Variants in B3GALT1 observed in about 807,000 individuals in gnomAD.
The protein encoded by B3GALT1 is beta-1,3-galactosyltransferase 1, also known as UDP-Gal:betaGlcNAc beta 1,3-galactosyltransferase, polypeptide 1.
A neutral mutation model predicts 23.2 loss-of-function variants in B3GALT1; 10 were observed. The observed-to-expected ratio is 0.43, with a 90% confidence interval of 0.27 to 0.73. The LOEUF (loss-of-function observed/expected upper bound fraction) is 0.73. B3GALT1 is among the 30% of genes least tolerant of loss of function. The pLI, the probability that B3GALT1 is intolerant of heterozygous loss-of-function variation, is 0.21. For synonymous variants in B3GALT1, 156 were observed against 141.5 expected, an observed-to-expected ratio of 1.10 and a Z score of -0.73; for missense variants, 299 against 405.4, an observed-to-expected ratio of 0.74 and a Z score of 2.25.
At chr2:167,341,591 G>A (rs1371458308) in intron 1 of B3GALT1, among the ~76,000 whole-genome samples, 1 of 151,544 alleles carries the variant, frequency 6.6e-6, no homozygotes, top group Non-Finnish European at 1.5e-5. Context: ...GAACCCAGGA[G>A]GAGGAGGTTG....
At chr2:167,538,897 GA>G (rs565147635) in intron 2 of B3GALT1, among the ~76,000 whole-genome samples, 1,758 of 149,738 alleles carry the variant, frequency 0.012, 31 homozygotes, top group African/African-American at 0.04. Context: ...TTAAAAATGT[GA>G]AAAAAAAAGA....
chr2:167,586,902 T>C (rs1246961919), intron 2 of B3GALT1, among the ~76,000 whole-genome samples: 2 of 152,326 alleles, frequency 1.3e-5, no homozygotes, highest in East Asian at 1.9e-4. Flanking sequence ...AATGGATTCA[T>C]ATAGGAGAGG....
At position 167,798,563 on chromosome 2, in the gene B3GALT1, T is replaced by A. The variant is rs536631987; in HGVS notation, c.-351-20109T>A. The stretch of plus-strand genomic sequence containing the variant: ...GGGAATCCTTTCCCCATTGCTTGTT[T>A]TTGCTGGCTTAGTTGAAGATAGATG... On this transcript the variant is annotated intron_variant, in intron 3 of 4. Coordinates refer to ENST00000392690, the MANE Select transcript of B3GALT1 (RefSeq NM_020981.4). Among the ~76,000 whole-genome samples the A allele has an allele frequency of 2.6e-5, 4 of 152,322 alleles. No homozygotes were observed. The East Asian group carries it at 7.7e-4, about 29-fold the overall frequency.
intron 1 of B3GALT1, among the ~76,000 whole-genome samples, chr2:167,478,315 G>A (rs1010395173): frequency 2.0e-5 from 3 of 152,106 alleles, no homozygotes; most frequent in Admixed American, 1.3e-4. Flanking sequence ...TATTAAATGG[G>A]TGAGTTAATA....
chr2:167,490,048 A>C (rs1425830751), intron 1 of B3GALT1, 129 bp from the exon 2 acceptor site: 2 of 152,184 alleles, frequency 1.3e-5, no homozygotes, highest in African/African-American at 2.4e-5. Context: ...TTTTGTGCAG[A>C]ATAATTTGAT....
At chr2:167,512,588 A>ATGTG (rs1306665849) in intron 2 of B3GALT1, among the ~76,000 whole-genome samples, 1 of 90,394 alleles carries the variant, frequency 1.1e-5, no homozygotes, top group African/African-American at 4.8e-5. Context: ...ATGTATATAT[A>ATGTG]TATGTGTATA....
Position 167,443,638 on chromosome 2 carries a change from G to C in B3GALT1, c.-510-46539G>C, listed in dbSNP as rs556369624. On this transcript the variant is annotated intron_variant, in intron 1 of 4. Transcript: ENST00000392690. ...ATTTTATTCTCTTTGAAGCAATTGT[G>C]AATGGGAGTTCACTCATGATTTGGC... Among the ~76,000 whole-genome samples, 155 of 152,256 alleles carry C rather than the reference G, an allele frequency of 1.0e-3. 1 individual carries two copies. Among genetic ancestry groups the C allele is most frequent in the African/African-American group, 3.5e-3 (147 of 41,546 alleles).
At chr2:167,362,502 T>C (rs1697513978) in intron 1 of B3GALT1, among the ~76,000 whole-genome samples, 1 of 152,206 alleles carries the variant, frequency 6.6e-6, no homozygotes, top group Non-Finnish European at 1.5e-5. Flanking sequence ...TATGAGATTC[T>C]CTTTTGATTC....
rs1684626464 is a variant in B3GALT1 at position 167,588,913 on chromosome 2, C to G, written c.-409-57996C>G. On this transcript the variant is annotated intron_variant, in intron 2 of 4. Coordinates refer to ENST00000392690, the MANE Select transcript of B3GALT1 (RefSeq NM_020981.4). ...TTCTTCCTTCTTTCCTTCCGTCCCTCCTTCCCTCTCTCCCTCCCTCCCTTC... is the reference window on the plus strand; with the variant it reads ...TTCTTCCTTCTTTCCTTCCGTCCCTGCTTCCCTCTCTCCCTCCCTCCCTTC... Among the ~76,000 whole-genome samples the G allele has an allele frequency of 2.0e-5, 3 of 148,248 alleles. No homozygotes were observed. The South Asian group carries it at 6.5e-4, about 32-fold the overall frequency.
chr2:167,599,344 A>G (rs897345597), intron 2 of B3GALT1, among the ~76,000 whole-genome samples: 2 of 152,234 alleles, frequency 1.3e-5, no homozygotes, highest in African/African-American at 2.4e-5. Flanking sequence ...GAAAATAATG[A>G]GATTCCACTT....
intron 3 of B3GALT1, among the ~76,000 whole-genome samples, chr2:167,703,225 A>G (rs1164707780): frequency 6.6e-6 from 1 of 152,228 alleles, no homozygotes; most frequent in Non-Finnish European, 1.5e-5. Flanking sequence ...GAGGCTCAGT[A>G]AGGTTTTAAT....
At chr2:167,477,547 T>C (rs1699504778) in intron 1 of B3GALT1, among the ~76,000 whole-genome samples, 2 of 152,220 alleles carry the variant, frequency 1.3e-5, no homozygotes, top group African/African-American at 4.8e-5. Flanking sequence ...AAAGAAACGT[T>C]TCTACTAAGT....
intron 2 of B3GALT1, among the ~76,000 whole-genome samples, chr2:167,528,777 T>G (rs1314851337): frequency 6.6e-6 from 1 of 152,154 alleles, no homozygotes; most frequent in Non-Finnish European, 1.5e-5. Flanking sequence ...AATAAGGCAT[T>G]AATTGTTGTA....
chr2:167,821,446 T>C (rs1336949384), intron 4 of B3GALT1, among the ~76,000 whole-genome samples: 1 of 149,334 alleles, frequency 6.7e-6, no homozygotes, highest in South Asian at 2.2e-4. Flanking sequence ...TTTTTTTTTT[T>C]TTTTTTTGAG....
At chr2:167,614,783 A>T (rs1685129300) in intron 2 of B3GALT1, among the ~76,000 whole-genome samples, 1 of 152,054 alleles carries the variant, frequency 6.6e-6, no homozygotes, top group Non-Finnish European at 1.5e-5. Flanking sequence ...TGATAAACAT[A>T]TTTCAAATAC....
intron 4 of B3GALT1, among the ~76,000 whole-genome samples, chr2:167,866,722 G>C (rs1690224809): frequency 6.6e-6 from 1 of 152,160 alleles, no homozygotes; most frequent in East Asian, 1.9e-4. Context: ...TTTTGGGGAG[G>C]CCCTTAACAT....
intron 1 of B3GALT1, among the ~76,000 whole-genome samples, chr2:167,416,280 A>G (rs1467185801): frequency 6.6e-6 from 1 of 152,126 alleles, no homozygotes; most frequent in African/African-American, 2.4e-5. Context: ...CCTTCATTCC[A>G]ACATAGTCCT....
chr2:167,825,414 A>C (rs1187132459), intron 4 of B3GALT1, among the ~76,000 whole-genome samples: 1 of 149,930 alleles, frequency 6.7e-6, no homozygotes, highest in African/African-American at 2.4e-5. Flanking sequence ...CCAGAGAGAA[A>C]GAACCAATAA....
chr2:167,615,287 G>A (rs1436352583), intron 2 of B3GALT1, among the ~76,000 whole-genome samples: 1 of 151,966 alleles, frequency 6.6e-6, no homozygotes, highest in African/African-American at 2.4e-5. Flanking sequence ...GACACAGAAA[G>A]ACAAATACTG....
Sources: allele counts gnomAD v4.1 joint callset (sites outside exome capture counted in the v4.1 genomes callset), GRCh38; gene constraint gnomAD v4.1.1; transcripts MANE v1.5; gene names NCBI Gene and HGNC (gene_info 2026-07-23, HGNC 2026-07-21).